Variants in DCAF6 observed in about 807,000 individuals in gnomAD.
DCAF6 encodes the protein DDB1- and CUL4-associated factor 6.
Under a neutral mutation model 125.1 loss-of-function variants are expected in DCAF6, and 54 were observed. That is an observed-to-expected ratio of 0.43 (90% CI 0.35 to 0.54). The LOEUF (loss-of-function observed/expected upper bound fraction) is 0.54. Among genes scored for constraint, DCAF6 ranks in the 20% least tolerant of loss-of-function variants. The pLI is 0.01. For synonymous variants in DCAF6, 371 were observed against 390.4 expected (o/e 0.95, Z 0.58); for missense variants, 934 against 1,161.7 (o/e 0.80, Z 2.85).
At chr1:167,866,530 C>CA in the DCAF6 span, among the ~76,000 whole-genome samples, 18,456 of 109,186 alleles carry the variant, frequency 0.17, 1,717 homozygotes, top group Middle Eastern at 0.24. Flanking sequence ...CTCTATGTGC[C>CA]AAAAAAAAAA....
intron 14 of DCAF6, 119 bp downstream of exon 14, chr1:168,043,259 A>G (rs1442256935): frequency 3.6e-5 from 28 of 770,760 alleles, no homozygotes; most frequent in South Asian, 2.0e-4. Context: ...TTTTGCTTCT[A>G]TAGTCCAGCT....
chr1:168,016,157 A>C (rs1320418773), intron 11 of DCAF6, among the ~76,000 whole-genome samples: 1 of 152,212 alleles, frequency 6.6e-6, no homozygotes, highest in African/African-American at 2.4e-5. Flanking sequence ...GGTGAATATA[A>C]AATAATCAAT....
chr1:168,004,032 A>T lies in DCAF6; in HGVS notation c.1117+43A>T, dbSNP rs766657389. 13 of 1,596,116 alleles carry T rather than the reference A, an allele frequency of 8.1e-6. No individual in the cohort carries two copies. The South Asian group carries it at 1.5e-4, about 18-fold the overall frequency. ...TTAAAGTCATCAGAAAGCTGGCAAAAACTACTTATTGAAGCCAGTTTTTAT... is the reference window on the plus strand; with the variant it reads ...TTAAAGTCATCAGAAAGCTGGCAAATACTACTTATTGAAGCCAGTTTTTAT... On this transcript the variant is annotated intron_variant, in intron 9 of 21. Transcript: ENST00000367840.
At chr1:168,074,053 CA>C (rs972147690) in intron 21 of DCAF6, among the ~76,000 whole-genome samples, 2 of 150,444 alleles carry the variant, frequency 1.3e-5, no homozygotes, top group African/African-American at 4.9e-5. Flanking sequence ...TATTTGTATT[CA>C]ATACCTATTT....
At chr1:168,050,850 A>C in intron 16 of DCAF6, 42 bp from the exon 17 acceptor site, 1 of 1,152,838 alleles carries the variant, frequency 8.7e-7, no homozygotes, top group Non-Finnish European at 1.1e-6. Flanking sequence ...GGTTCTTTGA[A>C]GTCTTTGTAA....
At chr1:167,955,884 C>T (rs1674700342) in intron 2 of DCAF6, among the ~76,000 whole-genome samples, 1 of 152,142 alleles carries the variant, frequency 6.6e-6, no homozygotes, top group Non-Finnish European at 1.5e-5. Flanking sequence ...CCTCAGCCTC[C>T]TGAGTTAGCT....
At chr1:167,881,884 C>T in the DCAF6 span, among the ~76,000 whole-genome samples, 1 of 152,186 alleles carries the variant, frequency 6.6e-6, no homozygotes. Context: ...GTACTGGAGA[C>T]ACCAGGCTGG....
chr1:167,892,983 G>T, the DCAF6 span, among the ~76,000 whole-genome samples: 1 of 152,140 alleles, frequency 6.6e-6, no homozygotes, highest in Non-Finnish European at 1.5e-5. Context: ...ATCTACCAAG[G>T]ACTGTAAAGA....
intron 13 of DCAF6, among the ~76,000 whole-genome samples, chr1:168,040,390 A>G (rs1217407497): frequency 6.6e-6 from 1 of 152,002 alleles, no homozygotes; most frequent in Non-Finnish European, 1.5e-5. Flanking sequence ...AGCATATGCC[A>G]TCAGTAGAAA....
the DCAF6 span, among the ~76,000 whole-genome samples, chr1:167,925,546 G>GTTTTTT: frequency 9.8e-6 from 1 of 101,844 alleles, no homozygotes; most frequent in African/African-American, 3.6e-5. Flanking sequence ...TTTTTTTTTG[G>GTTTTTT]TTTTTTTTGT....
At chr1:167,946,806 A>G (rs961728680) in intron 1 of DCAF6, among the ~76,000 whole-genome samples, 1 of 152,092 alleles carries the variant, frequency 6.6e-6, no homozygotes, top group Non-Finnish European at 1.5e-5. Flanking sequence ...ATTTGTGTTC[A>G]TTAATCTGTA....
At chr1:168,072,360 AGTT>A (rs1693220643) in intron 21 of DCAF6, among the ~76,000 whole-genome samples, 1 of 146,980 alleles carries the variant, frequency 6.8e-6, no homozygotes. Flanking sequence ...CTCAATCTAA[AGTT>A]GTTTTCTGTG....
At chr1:168,040,097 A>G (rs1299815603) in intron 13 of DCAF6, among the ~76,000 whole-genome samples, 1 of 152,022 alleles carries the variant, frequency 6.6e-6, no homozygotes, top group Non-Finnish European at 1.5e-5. Flanking sequence ...TGATTGGGAA[A>G]CCTAGGCATC....
Position 167,966,712 on chromosome 1 carries a change from C to T in DCAF6, c.243C>T (p.Tyr81=), listed in dbSNP as rs1319537741. The T allele has an allele frequency of 5.7e-6, 9 of 1,573,690 alleles. No homozygotes were observed. The South Asian group carries it at 7.9e-5, about 14-fold the overall frequency. ...DDTKLVISNP[Y]SRKVLTTIRS... The stretch of plus-strand genomic sequence containing the variant: ...CCAAATTAGTAATTAGTAATCCTTA[C>T]AGCAGAAAGGTAAAGTAGTTTAAAA... The change falls in exon 3 of 22, where the codon TAC becomes TAT. Residue 81 remains tyrosine, a synonymous_variant. Coordinates refer to ENST00000367840, the MANE Select transcript of DCAF6 (RefSeq NM_001198956.2).
the DCAF6 span, chr1:167,896,752 G>T: frequency 8.4e-7 from 1 of 1,186,904 alleles, no homozygotes; most frequent in Non-Finnish European, 1.3e-6. Context: ...CCTTTGAAGT[G>T]TAATTTCTTA....
chr1:167,889,133 G>A, the DCAF6 span, among the ~76,000 whole-genome samples: 2 of 152,128 alleles, frequency 1.3e-5, no homozygotes, highest in African/African-American at 4.8e-5. Context: ...CAGTGGTAAA[G>A]TGGGCATCCT....
intron 5 of DCAF6, among the ~76,000 whole-genome samples, chr1:167,987,981 T>C (rs1027834025): frequency 6.6e-6 from 1 of 152,110 alleles, no homozygotes; most frequent in Non-Finnish European, 1.5e-5. Flanking sequence ...ATAGCAGTTA[T>C]AAAAGCTTGT....
In DCAF6 at chr1:168,009,501, CCCTT is replaced by C. The variant is rs540310744; in HGVS notation, c.1378+4722_1378+4725del. The stretch of plus-strand genomic sequence containing the variant: ...CCCTCCCTTCCTTCACTTCTTCCCT[CCCTT>C]CCTTCCTTCCTTCTTTCCTCCATCC... On this transcript the variant is annotated intron_variant, in intron 10 of 21. Transcript: ENST00000367840. 3.1e-3 allele frequency among the ~76,000 whole-genome samples: 451 copies of C among 144,730 alleles called. 6 individuals are homozygous for C. The highest frequency in any genetic ancestry group is 0.011 in the African/African-American group (416 of 39,202). 94.9% of individuals were successfully genotyped at this position (144,730 alleles called of 152,430 possible).
intron 17 of DCAF6, among the ~76,000 whole-genome samples, chr1:168,053,198 A>T (rs1331867740): frequency 6.6e-6 from 1 of 152,124 alleles, no homozygotes; most frequent in Non-Finnish European, 1.5e-5. Flanking sequence ...GGGCCCTTAT[A>T]TATACCTACT....
Sources: allele counts gnomAD v4.1 joint callset (sites outside exome capture counted in the v4.1 genomes callset), GRCh38; gene constraint gnomAD v4.1.1; transcripts MANE v1.5; gene names NCBI Gene and HGNC (gene_info 2026-07-23, HGNC 2026-07-21).